GAP43: variants seen among roughly 807,000 people sequenced by gnomAD.
GAP43 encodes the protein neuromodulin.
Under a neutral mutation model 18.6 loss-of-function variants are expected in GAP43, and 6 were observed. That is an observed-to-expected ratio of 0.32 (90% CI 0.18 to 0.64). The LOEUF is 0.64. Ranked by LOEUF, GAP43 falls within the 30% of genes least tolerant of loss-of-function variation. The pLI, the probability that GAP43 is intolerant of heterozygous loss-of-function variation, is 0.78. For synonymous variants in GAP43, 115 were observed against 111.4 expected (o/e 1.03, Z -0.20); for missense variants, 292 against 295.5 (o/e 0.99, Z 0.09).
chr3:115,711,894 T>C (rs1332927806), intron 2 of GAP43, among the ~76,000 whole-genome samples: 1 of 152,224 alleles, frequency 6.6e-6, no homozygotes, highest in Non-Finnish European at 1.5e-5. Context: ...GTAATAATGG[T>C]AAGAAATAAA....
intron 1 of GAP43, among the ~76,000 whole-genome samples, chr3:115,675,447 G>T (rs1012377643): frequency 6.6e-6 from 1 of 152,080 alleles, no homozygotes; most frequent in South Asian, 2.1e-4. Context: ...ACATTGAGCC[G>T]GGGAAAGAAA....
At chr3:115,628,223 C>T (rs1708215643) in intron 1 of GAP43, among the ~76,000 whole-genome samples, 1 of 151,922 alleles carries the variant, frequency 6.6e-6, no homozygotes, top group Non-Finnish European at 1.5e-5. Flanking sequence ...TGCTTGTGCT[C>T]TTGCTCCTCC....
chr3:115,636,023 T>C (rs1559788832), intron 1 of GAP43, among the ~76,000 whole-genome samples: 1 of 152,150 alleles, frequency 6.6e-6, no homozygotes, highest in Non-Finnish European at 1.5e-5. Flanking sequence ...CTTACCAAAA[T>C]TGTTACTTTT....
At chr3:115,683,766 C>T (rs114386127) in intron 2 of GAP43, among the ~76,000 whole-genome samples, 1,658 of 152,158 alleles carry the variant, frequency 0.011, 33 homozygotes, top group African/African-American at 0.039. Context: ...AAAATTTTGT[C>T]GGTAGACTGT....
intron 1 of GAP43, among the ~76,000 whole-genome samples, chr3:115,628,513 A>G (rs1290863425): frequency 6.6e-6 from 1 of 151,910 alleles, no homozygotes; most frequent in Non-Finnish European, 1.5e-5. Flanking sequence ...GATTTTCATA[A>G]TTTCACTGAA....
chr3:115,715,583 G>A (rs1443660765), intron 2 of GAP43, among the ~76,000 whole-genome samples: 3 of 152,172 alleles, frequency 2.0e-5, no homozygotes, highest in African/African-American at 7.2e-5. Context: ...CCATTCATTT[G>A]TCTTTGACAC....
At chr3:115,637,856 C>A (rs1458029297) in intron 1 of GAP43, among the ~76,000 whole-genome samples, 2 of 152,042 alleles carry the variant, frequency 1.3e-5, no homozygotes, top group Admixed American at 6.6e-5. Context: ...AGAAACAGAA[C>A]CCTTATATCT....
intron 2 of GAP43, among the ~76,000 whole-genome samples, chr3:115,677,805 T>C (rs1258389960): frequency 6.6e-6 from 1 of 152,222 alleles, no homozygotes; most frequent in African/African-American, 2.4e-5. Context: ...TGTTTTGGCA[T>C]CTGACCATCA....
At chr3:115,684,285 A>G (rs1192551431) in intron 2 of GAP43, among the ~76,000 whole-genome samples, 5 of 152,196 alleles carry the variant, frequency 3.3e-5, no homozygotes, top group Non-Finnish European at 7.3e-5. Flanking sequence ...AGAAACCAGA[A>G]GCCATTTACT....
chr3:115,666,171 T>C (rs993431178), intron 1 of GAP43, among the ~76,000 whole-genome samples: 3 of 149,144 alleles, frequency 2.0e-5, no homozygotes, highest in African/African-American at 7.7e-5. Flanking sequence ...AAGGAATCAG[T>C]TGGTGTGTGT....
intron 2 of GAP43, among the ~76,000 whole-genome samples, chr3:115,716,748 ATATATATATAT>A (rs1709510629): frequency 1.6e-5 from 2 of 126,920 alleles, no homozygotes; most frequent in South Asian, 5.3e-4. Flanking sequence ...ATATATATAT[ATATATATATAT>A]ATATATATAC....
chr3:115,699,691 G>A (rs1343736968), intron 2 of GAP43, among the ~76,000 whole-genome samples: 1 of 152,186 alleles, frequency 6.6e-6, no homozygotes, highest in Non-Finnish European at 1.5e-5. Context: ...TATCAGTGCA[G>A]TGAGAAGACA....
At chr3:115,699,991 G>T (rs150734109) in intron 2 of GAP43, among the ~76,000 whole-genome samples, 70 of 152,274 alleles carry the variant, frequency 4.6e-4, no homozygotes, top group Admixed American at 7.2e-4. Context: ...GTGGGATACA[G>T]GCAAGTATAA....
In GAP43 at chr3:115,670,437, A is replaced by T. The variant is rs186964442; in HGVS notation, c.31-5576A>T. Among the ~76,000 whole-genome samples, 340 of 152,244 alleles carry T rather than the reference A, an allele frequency of 2.2e-3. 3 individuals carry two copies. The highest frequency in any genetic ancestry group is 8.0e-3 in the African/African-American group (332 of 41,546). On this transcript the variant is annotated intron_variant, in intron 1 of 2. Coordinates refer to ENST00000305124, the MANE Select transcript of GAP43 (RefSeq NM_002045.4). ...CTTTTTAAAGGACACTTTCTTCCTT[A>T]CACCTGCACCGAAACCGGCAGTGAC...
At chr3:115,627,839 T>C (rs1248470416) in intron 1 of GAP43, among the ~76,000 whole-genome samples, 2 of 152,160 alleles carry the variant, frequency 1.3e-5, no homozygotes, top group Admixed American at 6.6e-5. Context: ...TTTTGTACCT[T>C]TGTAATTAAA....
chr3:115,701,584 C>G (rs1709297882), intron 2 of GAP43, among the ~76,000 whole-genome samples: 1 of 151,982 alleles, frequency 6.6e-6, no homozygotes, highest in Non-Finnish European at 1.5e-5. Context: ...CTCATCTATT[C>G]TCTTGGAGAT....
At chr3:115,696,873 C>T (rs554671455) in intron 2 of GAP43, among the ~76,000 whole-genome samples, 2 of 151,570 alleles carry the variant, frequency 1.3e-5, no homozygotes, top group South Asian at 4.2e-4. Context: ...ACCATTGTTG[C>T]CCAGGCTAGA....
At chr3:115,714,242 A>G (rs1473000761) in intron 2 of GAP43, among the ~76,000 whole-genome samples, 1 of 152,224 alleles carries the variant, frequency 6.6e-6, no homozygotes, top group Non-Finnish European at 1.5e-5. Context: ...ATCATGCATC[A>G]AGAATATATG....
chr3:115,709,290 C>T (rs1709405143), intron 2 of GAP43, among the ~76,000 whole-genome samples: 1 of 152,154 alleles, frequency 6.6e-6, no homozygotes, highest in African/African-American at 2.4e-5. Flanking sequence ...TAGGCAAAAC[C>T]TGCACTCTCC....
Sources: allele counts gnomAD v4.1 joint callset (sites outside exome capture counted in the v4.1 genomes callset), GRCh38; gene constraint gnomAD v4.1.1; transcripts MANE v1.5; gene names NCBI Gene and HGNC (gene_info 2026-07-23, HGNC 2026-07-21).